The following THSD7A variants were observed in gnomAD, a reference collection of about 807,000 sequenced individuals.
THSD7A encodes thrombospondin type-1 domain-containing protein 7A.
A neutral mutation model predicts 231.3 loss-of-function variants in THSD7A; 96 were observed. The observed-to-expected ratio is 0.41, with a 90% CI of 0.35 to 0.49. The LOEUF (loss-of-function observed/expected upper bound fraction) is 0.49, where lower values mean the gene tolerates loss of function less well. Among genes scored for constraint, THSD7A ranks in the 20% least tolerant of loss-of-function variants. The pLI is 0.05. For synonymous variants in THSD7A, 940 were observed against 743.3 expected, an observed-to-expected ratio of 1.26 and a Z score of -4.30; for missense variants, 2,290 against 2,070.2, an observed-to-expected ratio of 1.11 and a Z score of -2.06.
At chr7:11,819,800 A>C (rs537756586) in intron 1 of THSD7A, among the ~76,000 whole-genome samples, 4 of 152,284 alleles carry the variant, frequency 2.6e-5, no homozygotes, top group South Asian at 2.1e-4. Flanking sequence ...GTGAATCCTA[A>C]TGTAAACCAT....
intron 10 of THSD7A, 65 bp from the exon 11 acceptor site, chr7:11,460,830 A>C (rs1785479983): frequency 7.7e-7 from 1 of 1,300,080 alleles, no homozygotes; most frequent in African/African-American, 1.5e-5. Context: ...ACAGAGACAC[A>C]GCAGCATGGA....
At chr7:11,600,004 C>T (rs1780496193) in intron 2 of THSD7A, among the ~76,000 whole-genome samples, 1 of 151,978 alleles carries the variant, frequency 6.6e-6, no homozygotes, top group Non-Finnish European at 1.5e-5. Context: ...TACCCTCGAA[C>T]ATCAGACTCC....
chr7:11,804,235 T>C (rs1784346689), intron 1 of THSD7A, among the ~76,000 whole-genome samples: 1 of 152,154 alleles, frequency 6.6e-6, no homozygotes, highest in African/African-American at 2.4e-5. Context: ...AATGTTTATG[T>C]ATTCCTTCCT....
chr7:11,654,389 C>A (rs1260338346), intron 1 of THSD7A, among the ~76,000 whole-genome samples: 1 of 151,914 alleles, frequency 6.6e-6, no homozygotes, highest in Non-Finnish European at 1.5e-5. Context: ...AGGAATGTCA[C>A]CCAATAAAGC....
At chr7:11,763,815 C>T (rs1245062915) in intron 1 of THSD7A, among the ~76,000 whole-genome samples, 1 of 151,988 alleles carries the variant, frequency 6.6e-6, no homozygotes, top group Non-Finnish European at 1.5e-5. Context: ...TTATTTATTG[C>T]TCATTTCCTC....
rs755551327 is a variant in THSD7A, at chr7:11,590,524, C to A, written c.1389G>T (p.Glu463Asp). ...ALCGGGIQTREVYCVQANENL... is the reference protein window; with the variant it reads ...ALCGGGIQTRDVYCVQANENL... ...TTTCGTTGGCCTGCACGCAGTACAC[C>A]TCTCGGGTCTGGATGCCCCCTCCAC... The change falls in exon 4 of 28, where the codon GAG becomes GAT. Residue 463 changes from glutamate to aspartate, a missense_variant. Transcript: ENST00000423059. The surrounding 1 kb of genome is among the most constrained non-coding windows in gnomAD (Gnocchi z 4.4). The A allele has an allele frequency of 6.2e-7, 1 of 1,613,898 alleles. No homozygotes were observed. Among genetic ancestry groups the A allele is most frequent in the Admixed American group, 1.7e-5 (1 of 60,004 alleles).
intron 4 of THSD7A, among the ~76,000 whole-genome samples, chr7:11,562,842 T>C (rs996423979): frequency 1.3e-5 from 2 of 152,190 alleles, no homozygotes; most frequent in African/African-American, 4.8e-5. Flanking sequence ...TTGGCACTAG[T>C]GGTGCGTTTT....
At chr7:11,559,829 A>G (rs1557877) in intron 4 of THSD7A, among the ~76,000 whole-genome samples, 9,477 of 152,204 alleles carry the variant, frequency 0.062, 1,016 homozygotes, top group African/African-American at 0.21. Flanking sequence ...AAGCAGCTAA[A>G]ACAGACACTG....
intron 6 of THSD7A, among the ~76,000 whole-genome samples, chr7:11,522,797 A>G (rs1041464865): frequency 1.3e-5 from 2 of 152,172 alleles, no homozygotes; most frequent in Non-Finnish European, 2.9e-5. Context: ...TGTTTCCACT[A>G]TAATACGAAA....
intron 6 of THSD7A, chr7:11,520,052 A>G (rs976987215): frequency 1.3e-5 from 2 of 152,140 alleles, no homozygotes; most frequent in African/African-American, 4.8e-5. Flanking sequence ...AACTTATTAG[A>G]ACCCTTTGTA....
In THSD7A at chr7:11,616,697, C is replaced by T. The variant is rs1384381774; in HGVS notation, c.1022+19433G>A. Reference sequence around the variant, plus strand: ...TGCCCAGCCCTTCCTTAGCTCTCCCCAGTGTCTTCTTTTACCATAACCCAG... The same window carrying T: ...TGCCCAGCCCTTCCTTAGCTCTCCCTAGTGTCTTCTTTTACCATAACCCAG... On this transcript the variant is annotated intron_variant, in intron 2 of 27. Coordinates refer to ENST00000423059, the MANE Select transcript of THSD7A (RefSeq NM_015204.3). 2.3e-4 allele frequency among the ~76,000 whole-genome samples: 35 copies of T among 152,142 alleles called. 1 individual carries two copies. Among genetic ancestry groups the T allele is most frequent in the Admixed American group, 2.3e-3 (35 of 15,262 alleles).
intron 6 of THSD7A, among the ~76,000 whole-genome samples, chr7:11,487,788 C>T (rs564941643): frequency 3.9e-5 from 6 of 152,010 alleles, no homozygotes; most frequent in African/African-American, 9.7e-5. Context: ...TGGGGGAGAC[C>T]GACACCATTA....
intron 1 of THSD7A, among the ~76,000 whole-genome samples, chr7:11,825,407 G>A (rs1784996367): frequency 6.6e-6 from 1 of 151,948 alleles, no homozygotes; most frequent in South Asian, 2.1e-4. Context: ...ATTCTATAAT[G>A]GTGTCTCCCT....
chr7:11,810,926 A>C (rs1430844254), intron 1 of THSD7A, among the ~76,000 whole-genome samples: 1 of 152,178 alleles, frequency 6.6e-6, no homozygotes, highest in African/African-American at 2.4e-5. Flanking sequence ...TCCTCAAATC[A>C]GGTTTAATTC....
intron 7 of THSD7A, among the ~76,000 whole-genome samples, chr7:11,475,450 T>TGTG (rs1181858501): frequency 6.6e-6 from 1 of 151,394 alleles, no homozygotes; most frequent in East Asian, 1.9e-4. Context: ...GTAAGTCCTG[T>TGTG]GTGGTGGTCA....
rs556687543 is a variant in THSD7A at position 11,444,575 on chromosome 7, G to C, written c.3064+1486C>G. On this transcript the variant is annotated intron_variant, in intron 13 of 27. Coordinates refer to ENST00000423059, the MANE Select transcript of THSD7A (RefSeq NM_015204.3). The surrounding 1 kb of genome is among the most constrained non-coding windows in gnomAD (Gnocchi z 4.2). ...AATAAGAACACATGGGCACAGGGAG[G>C]GGAACATCACACACCGGGGTCTGTC... 4.6e-5 allele frequency among the ~76,000 whole-genome samples: 7 copies of C among 151,938 alleles called. No homozygotes were observed. The highest frequency in any genetic ancestry group is 8.8e-5 in the Non-Finnish European group (6 of 67,976).
intron 2 of THSD7A, among the ~76,000 whole-genome samples, chr7:11,603,779 C>CA (rs1433974322): frequency 2.0e-5 from 3 of 149,500 alleles, no homozygotes; most frequent in Admixed American, 6.7e-5. Context: ...ATCGCAAGAA[C>CA]AAAAAACCAA....
At position 11,382,749 on chromosome 7, in the gene THSD7A, C is replaced by T. The variant is rs1028446411; in HGVS notation, c.4412-133G>A. ...GATGATTCAAATGTCAATTTATTGT[C>T]CTGAAGTTGCCATGCATATGTTTAA... is the stretch of plus-strand genomic sequence containing the variant. On this transcript the variant is annotated intron_variant, in intron 23 of 27. Transcript: ENST00000423059. 14 of 741,718 alleles carry T rather than the reference C, an allele frequency of 1.9e-5. 1 individual carries two copies. In the South Asian group the frequency reaches 2.4e-4, roughly 13 times the overall value. 45.9% of individuals were successfully genotyped at this position (741,718 alleles called of 1,614,324 possible).
chr7:11,800,740 G>A (rs577640620), intron 1 of THSD7A, among the ~76,000 whole-genome samples: 1 of 152,090 alleles, frequency 6.6e-6, no homozygotes, highest in Non-Finnish European at 1.5e-5. Context: ...GAGGGAAATG[G>A]AGAATTGTTT....
Sources: gnomAD v4.1 joint callset for allele counts (sites outside exome capture counted in the v4.1 genomes callset) on GRCh38, gnomAD v4.1.1 for gene constraint, Gnocchi (gnomAD v3.1) non-coding constraint, MANE v1.5 for transcripts, NCBI Gene and HGNC (gene_info 2026-07-23, HGNC 2026-07-21) for gene names.